Variants in CALD1 observed in about 807,000 individuals in gnomAD.
CALD1 encodes the protein caldesmon 1, also known as caldesmon.
CALD1 carries 33 observed loss-of-function variants against 99.9 expected under a neutral mutation model. That is an observed-to-expected ratio of 0.33 (90% CI 0.25 to 0.44). The LOEUF (loss-of-function observed/expected upper bound fraction) is 0.44. Ranked by LOEUF, CALD1 falls within the 20% of genes least tolerant of loss-of-function variation. The probability of loss-of-function intolerance (pLI) is 1.00; values close to 1 mark genes in which losing one functional copy is unlikely to be tolerated. For missense variants in CALD1, 861 were observed against 962.1 expected (o/e 0.89, Z 1.39); for synonymous variants, 310 against 325.0 (o/e 0.95, Z 0.50).
chr7:134,903,222 T>C (rs1463024974), intron 3 of CALD1, among the ~76,000 whole-genome samples: 7 of 152,062 alleles, frequency 4.6e-5, no homozygotes, highest in Admixed American at 4.6e-4. Flanking sequence ...AAATAGTTGG[T>C]ATGACACTAC....
intron 3 of CALD1, among the ~76,000 whole-genome samples, chr7:134,913,633 A>C (rs946693875): frequency 1.1e-4 from 16 of 152,236 alleles, no homozygotes; most frequent in African/African-American, 3.9e-4. Flanking sequence ...ATTGTAGTAT[A>C]GTATGAAAAG....
At chr7:134,732,351 G>A in the CALD1 span, among the ~76,000 whole-genome samples, 9 of 152,218 alleles carry the variant, frequency 5.9e-5, no homozygotes, top group African/African-American at 2.2e-4. Context: ...GAGTACTGGT[G>A]AAATTCATAT....
intron 1 of CALD1, among the ~76,000 whole-genome samples, chr7:134,761,779 A>G (rs1285162442): frequency 6.6e-6 from 1 of 152,234 alleles, no homozygotes; most frequent in African/African-American, 2.4e-5. Context: ...ATGGGGATAT[A>G]GAAAAGAAAA....
At chr7:134,934,937 G>T (rs1008281676) in intron 5 of CALD1, among the ~76,000 whole-genome samples, 3 of 151,890 alleles carry the variant, frequency 2.0e-5, no homozygotes, top group African/African-American at 7.3e-5. Context: ...AAATTAACTG[G>T]TAATAAAGAG....
intron 2 of CALD1, among the ~76,000 whole-genome samples, chr7:134,861,368 A>G (rs1377297): frequency 6.6e-6 from 1 of 151,968 alleles, no homozygotes; most frequent in Non-Finnish European, 1.5e-5. Flanking sequence ...TGTTGTACCC[A>G]GAAATCACCC....
chr7:134,955,875 A>C (rs929512990), intron 9 of CALD1, among the ~76,000 whole-genome samples: 6 of 152,148 alleles, frequency 3.9e-5, no homozygotes, highest in African/African-American at 1.4e-4. Context: ...ACAGGCTGGC[A>C]GGGATAAAAA....
chr7:134,715,747 T>C, the CALD1 span, among the ~76,000 whole-genome samples: 1 of 152,168 alleles, frequency 6.6e-6, no homozygotes, highest in Non-Finnish European at 1.5e-5. Flanking sequence ...AAGATAAAAA[T>C]GACAAGTCTG....
chr7:134,768,137 G>T (rs192337342), intron 1 of CALD1, among the ~76,000 whole-genome samples: 11 of 152,286 alleles, frequency 7.2e-5, no homozygotes, highest in Non-Finnish European at 1.5e-5. Flanking sequence ...CTATAGGAAG[G>T]CTGAGGGGAT....
intron 9 of CALD1, among the ~76,000 whole-genome samples, chr7:134,950,828 C>T (rs936553173): frequency 1.3e-5 from 2 of 152,134 alleles, no homozygotes; most frequent in Non-Finnish European, 2.9e-5. Flanking sequence ...TGGTGGCACA[C>T]ACCTGTAATA....
intron 1 of CALD1, among the ~76,000 whole-genome samples, chr7:134,751,060 A>G (rs1796682019): frequency 6.6e-6 from 1 of 152,174 alleles, no homozygotes; most frequent in Non-Finnish European, 1.5e-5. Context: ...TTCACTTACA[A>G]TGCACACTGA....
At chr7:134,964,636 T>C (rs796847613) in intron 13 of CALD1, among the ~76,000 whole-genome samples, 8 of 152,196 alleles carry the variant, frequency 5.3e-5, no homozygotes, top group South Asian at 2.1e-4. Flanking sequence ...GTCAGGCTGG[T>C]GTGCACTAAA....
the CALD1 span, among the ~76,000 whole-genome samples, chr7:134,714,100 G>A: frequency 0.067 from 10,130 of 152,140 alleles, 1,096 homozygotes; most frequent in African/African-American, 0.23. Context: ...CATGGAAGAT[G>A]TGCCTGCTTC....
intron 3 of CALD1, among the ~76,000 whole-genome samples, chr7:134,896,191 C>G (rs1802560978): frequency 6.6e-6 from 1 of 152,214 alleles, no homozygotes; most frequent in African/African-American, 2.4e-5. Context: ...ACTCCTGCCC[C>G]TCCCCTGTCC....
intron 1 of CALD1, among the ~76,000 whole-genome samples, chr7:134,771,175 G>C (rs535918743): frequency 6.6e-6 from 1 of 152,142 alleles, no homozygotes; most frequent in African/African-American, 2.4e-5. Context: ...ACTCCCTCAG[G>C]TAACTCATTC....
chr7:134,970,549 A>C lies in CALD1; in HGVS notation c.*2204A>C, dbSNP rs1436379287. ...AATCTGCCATTCCTAAAAATTTTAT[A>C]AACACTTGATACTTTTCACTGATAA... On this transcript the variant is annotated 3_prime_UTR_variant, in exon 15 of 15. Coordinates refer to ENST00000361675, the MANE Select transcript of CALD1 (RefSeq NM_033138.4). 1 of 152,668 alleles carries C rather than the reference A, an allele frequency of 6.6e-6. No individual in the cohort carries two copies. The highest frequency in any genetic ancestry group is 2.4e-5 in the African/African-American group (1 of 41,456). 9.5% of individuals were successfully genotyped at this position (152,668 alleles called of 1,614,324 possible).
At chr7:134,749,837 T>A (rs894700129) in intron 1 of CALD1, among the ~76,000 whole-genome samples, 4 of 152,186 alleles carry the variant, frequency 2.6e-5, no homozygotes, top group African/African-American at 9.7e-5. Flanking sequence ...TAATTTAATT[T>A]AAAGAACTGA....
chr7:134,873,249 C>A (rs1201394493), intron 3 of CALD1, among the ~76,000 whole-genome samples: 6 of 152,042 alleles, frequency 3.9e-5, no homozygotes, highest in African/African-American at 1.4e-4. Context: ...TTCTGCTTCC[C>A]TTTCTGTTTC....
Position 134,950,434 on chromosome 7 carries a change from C to T in CALD1, c.1855C>T (p.Arg619Cys), listed in dbSNP as rs370580506. The change falls in exon 9 of 15, where the codon CGC becomes TGC. Residue 619 changes from arginine to cysteine, a missense_variant. By Grantham distance (180) the Arg-to-Cys change is radical. Transcript: ENST00000361675. ...GCGAAGAGCAGAAGCTGCTGAGAAA[C>T]GCCAGAAGATGCCAGAAGATGGCTT... ...ERRRAEAAEK[R>C]QKMPEDGLSD... 1.2e-6 allele frequency: 2 copies of T among 1,613,832 alleles called. No homozygotes were observed. The highest frequency in any genetic ancestry group is 1.7e-6 in the Non-Finnish European group (2 of 1,179,796).
intron 3 of CALD1, among the ~76,000 whole-genome samples, chr7:134,928,428 CAAAAAAAAAAAAAAA>C (rs11355152): frequency 1.1e-3 from 61 of 55,668 alleles, no homozygotes; most frequent in African/African-American, 3.7e-3. Context: ...GACTGGGTCT[CAAAAAAAAAAAAAAA>C]AAAAAAAAAA....
Sources: gnomAD v4.1 joint callset for allele counts (sites outside exome capture counted in the v4.1 genomes callset) on GRCh38, gnomAD v4.1.1 for gene constraint, MANE v1.5 for transcripts, NCBI Gene and HGNC (gene_info 2026-07-23, HGNC 2026-07-21) for gene names.